Variants in TENM3 observed in about 807,000 individuals in gnomAD.
TENM3 encodes the protein teneurin transmembrane protein 3.
In TENM3, 63 loss-of-function variants were observed where a neutral mutation model predicts 255.1. The ratio of observed to expected loss-of-function variants is 0.25; its 90% CI spans 0.20 to 0.30. The LOEUF is 0.30. TENM3 is among the 10% of genes least tolerant of loss of function. TENM3 has a pLI of 1.00. For missense variants in TENM3, 2,929 were observed against 3,461.1 expected (o/e 0.85, Z 3.86); for synonymous variants, 1,306 against 1,322.3 (o/e 0.99, Z 0.27).
chr4:182,150,591 T>A (rs1750272444), intron 1 of TENM3, among the ~76,000 whole-genome samples: 1 of 152,030 alleles, frequency 6.6e-6, no homozygotes, highest in South Asian at 2.1e-4. Flanking sequence ...TTTATAAGAC[T>A]GAAAATCAAG....
At chr4:182,721,441 G>T (rs186439872) in intron 13 of TENM3, among the ~76,000 whole-genome samples, 4 of 152,084 alleles carry the variant, frequency 2.6e-5, no homozygotes, top group Admixed American at 6.6e-5. Context: ...CAGAAACCTG[G>T]TGTACTAATT....
the TENM3 span, among the ~76,000 whole-genome samples, chr4:182,112,330 G>A: frequency 6.6e-5 from 10 of 152,206 alleles, no homozygotes; most frequent in South Asian, 2.1e-4. Flanking sequence ...CGGACTGACC[G>A]TTTTCCCTCC....
intron 26 of TENM3, among the ~76,000 whole-genome samples, chr4:182,795,697 A>G (rs1411694117): frequency 6.6e-6 from 1 of 152,238 alleles, no homozygotes; most frequent in African/African-American, 2.4e-5. Flanking sequence ...AAGTCTGGAA[A>G]GCCCACAGCT....
the TENM3 span, among the ~76,000 whole-genome samples, chr4:181,688,204 A>T: frequency 6.6e-6 from 1 of 152,284 alleles, no homozygotes; most frequent in African/African-American, 2.4e-5. Flanking sequence ...TTCTTGCAAA[A>T]TTATCATAAT....
the TENM3 span, among the ~76,000 whole-genome samples, chr4:181,622,702 A>G: frequency 6.6e-6 from 1 of 152,130 alleles, no homozygotes; most frequent in Non-Finnish European, 1.5e-5. Flanking sequence ...ATATGATAAC[A>G]TGGCTTTTGT....
chr4:181,560,263 C>A, the TENM3 span, among the ~76,000 whole-genome samples: 1 of 152,086 alleles, frequency 6.6e-6, no homozygotes, highest in South Asian at 2.1e-4. Flanking sequence ...GGGCACTAAT[C>A]CCCTTCACAG....
the TENM3 span, among the ~76,000 whole-genome samples, chr4:182,126,406 A>G: frequency 6.6e-6 from 1 of 152,170 alleles, no homozygotes; most frequent in African/African-American, 2.4e-5. Flanking sequence ...CCACAAAACA[A>G]TAGTCTCTTT....
intron 22 of TENM3, among the ~76,000 whole-genome samples, chr4:182,767,267 C>A (rs1763794998): frequency 6.6e-6 from 1 of 152,184 alleles, no homozygotes; most frequent in Non-Finnish European, 1.5e-5. Context: ...CATTAAGATT[C>A]CGCATCAGCC....
intron 3 of TENM3, among the ~76,000 whole-genome samples, chr4:182,366,589 C>T (rs2150823793): frequency 6.6e-6 from 1 of 152,174 alleles, no homozygotes; most frequent in Non-Finnish European, 1.5e-5. Context: ...TATATTTCAG[C>T]AATGAGACAT....
At chr4:181,458,403 T>G in the TENM3 span, among the ~76,000 whole-genome samples, 2 of 151,928 alleles carry the variant, frequency 1.3e-5, no homozygotes. Flanking sequence ...TATTCTAACT[T>G]TCTCATTAAA....
chr4:182,118,893 G>A, the TENM3 span, among the ~76,000 whole-genome samples: 1 of 152,292 alleles, frequency 6.6e-6, no homozygotes, highest in East Asian at 1.9e-4. Context: ...GTGCTCATGA[G>A]AGATTTGATC....
the TENM3 span, among the ~76,000 whole-genome samples, chr4:181,835,978 C>T: frequency 6.6e-6 from 1 of 152,054 alleles, no homozygotes; most frequent in African/African-American, 2.4e-5. Context: ...GTTTGCCTGT[C>T]TCCCTATTCT....
intron 12 of TENM3, among the ~76,000 whole-genome samples, chr4:182,704,347 C>T (rs1758110559): frequency 6.6e-6 from 1 of 152,164 alleles, no homozygotes; most frequent in African/African-American, 2.4e-5. Flanking sequence ...CTTGAGTGTT[C>T]CACTGTTACT....
the TENM3 span, among the ~76,000 whole-genome samples, chr4:181,467,080 T>TTC: frequency 3.4e-5 from 1 of 29,524 alleles, no homozygotes; most frequent in South Asian, 8.4e-4. Context: ...TGTGTGTGTG[T>TTC]GTGCGTGTGT....
At chr4:182,026,393 T>G in the TENM3 span, among the ~76,000 whole-genome samples, 1 of 152,238 alleles carries the variant, frequency 6.6e-6, no homozygotes, top group Non-Finnish European at 1.5e-5. Flanking sequence ...TACTAATATA[T>G]TCACCCATTC....
At chr4:181,566,958 G>T in the TENM3 span, among the ~76,000 whole-genome samples, 1 of 152,176 alleles carries the variant, frequency 6.6e-6, no homozygotes, top group Non-Finnish European at 1.5e-5. Context: ...CTGTGAAGAT[G>T]CCATCTTCCG....
At chr4:182,146,624 G>A (rs1358706346) in intron 1 of TENM3, among the ~76,000 whole-genome samples, 1 of 151,920 alleles carries the variant, frequency 6.6e-6, no homozygotes, top group Non-Finnish European at 1.5e-5. Flanking sequence ...ACTTAGAAAA[G>A]AATAGTTAGA....
At chr4:181,468,097 A>G in the TENM3 span, among the ~76,000 whole-genome samples, 8 of 144,878 alleles carry the variant, frequency 5.5e-5, no homozygotes, top group African/African-American at 1.8e-4. Context: ...GAAGTTCAAG[A>G]CCAGCCTGGG....
chr4:181,931,151 G>A, the TENM3 span, among the ~76,000 whole-genome samples: 2 of 152,174 alleles, frequency 1.3e-5, no homozygotes, highest in South Asian at 2.1e-4. Flanking sequence ...ACATAGTATT[G>A]GAAGTTCTGG....
Sources: allele counts gnomAD v4.1 joint callset (sites outside exome capture counted in the v4.1 genomes callset), GRCh38; gene constraint gnomAD v4.1.1; transcripts MANE v1.5; gene names NCBI Gene and HGNC (gene_info 2026-07-23, HGNC 2026-07-21).